The following ZNF333 variants were observed in gnomAD, a reference collection of about 807,000 sequenced individuals.
The protein encoded by ZNF333 is zinc finger protein 333.
A neutral mutation model predicts 76.1 loss-of-function variants in ZNF333; 61 were observed. That is an observed-to-expected ratio of 0.80 (90% confidence interval 0.65 to 0.99). The LOEUF (loss-of-function observed/expected upper bound fraction) is 0.99. ZNF333 is among the 50% of genes least tolerant of loss of function. The pLI is 0.00. For missense variants in ZNF333, 717 were observed against 822.4 expected (o/e 0.87, Z 1.57); for synonymous variants, 284 against 305.0 (o/e 0.93, Z 0.72).
intron 11 of ZNF333, among the ~76,000 whole-genome samples, chr19:14,727,316 C>CTG (rs1449134305): frequency 6.6e-5 from 10 of 152,162 alleles, no homozygotes; most frequent in South Asian, 2.1e-4. Flanking sequence ...GTGTGAGCCA[C>CTG]CAAGCCCGGC....
chr19:14,705,783 A>G (rs2042092411), intron 6 of ZNF333, among the ~76,000 whole-genome samples: 1 of 152,194 alleles, frequency 6.6e-6, no homozygotes, highest in Admixed American at 6.5e-5. Flanking sequence ...CGAGGGATCT[A>G]GGCTGCAGGC....
intron 7 of ZNF333, chr19:14,709,375 ACT>A (rs1471506440): frequency 2.0e-5 from 3 of 151,986 alleles, no homozygotes; most frequent in African/African-American, 7.3e-5. Context: ...ACCTCTAAAG[ACT>A]CTATGTTCAA....
chr19:14,715,248 T>C (rs2042395278), intron 7 of ZNF333, 134 bp from the exon 8 acceptor site: 2 of 679,164 alleles, frequency 2.9e-6, no homozygotes, highest in Non-Finnish European at 5.1e-6. Context: ...TCTGCATGTG[T>C]GTGTCCCTGT....
At chr19:14,727,697 C>CTA (rs1478094027) in intron 11 of ZNF333, among the ~76,000 whole-genome samples, 1 of 151,620 alleles carries the variant, frequency 6.6e-6, no homozygotes, top group Non-Finnish European at 1.5e-5. Flanking sequence ...TATCATGTAC[C>CTA]TATTAGTTAA....
intron 4 of ZNF333, among the ~76,000 whole-genome samples, chr19:14,696,226 C>T (rs1973176573): frequency 6.6e-6 from 1 of 152,226 alleles, no homozygotes; most frequent in African/African-American, 2.4e-5. Flanking sequence ...ATGAAATTCA[C>T]CCCTTTAAAG....
At chr19:14,716,306 T>A (rs1349863671) in intron 9 of ZNF333, 68 bp downstream of exon 9, 1 of 1,539,482 alleles carries the variant, frequency 6.5e-7, no homozygotes, top group East Asian at 2.3e-5. Flanking sequence ...TTGCCTAGGC[T>A]GGAGTGTGAT....
chr19:14,695,995 A>G (rs1284257929), intron 4 of ZNF333, among the ~76,000 whole-genome samples: 1 of 152,172 alleles, frequency 6.6e-6, no homozygotes, highest in East Asian at 1.9e-4. Flanking sequence ...CCTGGCCAAC[A>G]TGGCAAAACC....
chr19:14,693,328 T>C (rs894564014), intron 1 of ZNF333, 123 bp from the exon 2 acceptor site: 2 of 591,628 alleles, frequency 3.4e-6, no homozygotes, highest in Middle Eastern at 3.1e-4. Context: ...GGGGCCAACA[T>C]GTTGCTTATG....
chr19:14,704,128 G>A (rs1332345126), intron 5 of ZNF333, among the ~76,000 whole-genome samples: 4 of 152,048 alleles, frequency 2.6e-5, no homozygotes, highest in Non-Finnish European at 4.4e-5. Flanking sequence ...TTTCTATAGT[G>A]AAATGTCTCA....
At chr19:14,732,246 T>C (rs966932496) in exon 12 of ZNF333, 1 of 152,202 alleles carries the variant, frequency 6.6e-6, no homozygotes, top group Admixed American at 6.5e-5. Flanking sequence ...CCCAACAGCA[T>C]GTGCTCACTT....
At chr19:14,732,388 C>G (rs915904626) in exon 12 of ZNF333, 4 of 151,992 alleles carry the variant, frequency 2.6e-5, no homozygotes, top group Admixed American at 6.6e-5. Context: ...ACTGGGAAAC[C>G]AAAAAATGTG....
chr19:14,723,654 T>C (rs2042615964), downstream of ZNF333, among the ~76,000 whole-genome samples: 1 of 152,248 alleles, frequency 6.6e-6, no homozygotes, highest in Admixed American at 6.5e-5. Context: ...GGGTTGTTCA[T>C]TGTTAGTGCA....
intron 7 of ZNF333, 38 bp downstream of exon 7, chr19:14,706,811 C>T: frequency 1.3e-6 from 2 of 1,566,338 alleles, no homozygotes; most frequent in African/African-American, 1.4e-5. Flanking sequence ...GCCAGAGGGC[C>T]CTGCTGTCCT....
At chr19:14,724,169 C>T (rs762641910), downstream of ZNF333, among the ~76,000 whole-genome samples, 8 of 152,186 alleles carry the variant, frequency 5.3e-5, no homozygotes, top group Non-Finnish European at 7.3e-5. Flanking sequence ...TGAGCTGACC[C>T]AGAAGATGCT....
At chr19:14,715,557 C>G in intron 8 of ZNF333, 87 bp downstream of exon 8, 1 of 1,321,754 alleles carries the variant, frequency 7.6e-7, no homozygotes. Flanking sequence ...TGGATCATCT[C>G]ATAGGGTTGG....
chr19:14,733,180 A>G (rs2042692701), exon 12 of ZNF333: 1 of 152,206 alleles, frequency 6.6e-6, no homozygotes, highest in African/African-American at 2.4e-5. Context: ...AACCAGCCTT[A>G]GGCATGGAGG....
chr19:14,729,938 T>C (rs868768269), intron 11 of ZNF333, among the ~76,000 whole-genome samples: 2 of 152,230 alleles, frequency 1.3e-5, no homozygotes, highest in Non-Finnish European at 1.5e-5. Context: ...AGTTGTATAC[T>C]GGAAAGGGCA....
In ZNF333 at chr19:14,718,997, C is replaced by G. The variant is rs762996071; in HGVS notation, c.1670C>G (p.Thr557Ser). ...CTGAAGAGTCACATGCGAACTCACACTGGAGAGAAGCCCTATGTGTGCCAG... is the reference window on the plus strand; with the variant it reads ...CTGAAGAGTCACATGCGAACTCACAGTGGAGAGAAGCCCTATGTGTGCCAG... ...STLKSHMRTH[T>S]GEKPYVCQEC... Residue 557 changes from threonine (T) to serine (S), a missense_variant, in exon 12 of 12, where the codon ACT becomes AGT. Physicochemically the swap from Thr to Ser is moderately conservative, Grantham distance 58. Transcript: ENST00000292530. 1 of 1,614,194 alleles carries G rather than the reference C, an allele frequency of 6.2e-7. No individual in the cohort carries two copies. The highest frequency in any genetic ancestry group is 8.5e-7 in the Non-Finnish European group (1 of 1,180,044).
intron 4 of ZNF333, among the ~76,000 whole-genome samples, chr19:14,698,190 A>G (rs1003395702): frequency 6.6e-6 from 1 of 151,472 alleles, no homozygotes; most frequent in Non-Finnish European, 1.5e-5. Flanking sequence ...CTGGCCCAAC[A>G]TGGTGAAACC....
Sources: allele counts gnomAD v4.1 joint callset (sites outside exome capture counted in the v4.1 genomes callset), GRCh38; gene constraint gnomAD v4.1.1; transcripts MANE v1.5; gene names NCBI Gene and HGNC (gene_info 2026-07-23, HGNC 2026-07-21).